Variants in CADM1 observed in about 807,000 individuals in gnomAD.
CADM1 encodes TSLC-1.
Under a neutral mutation model 53.1 loss-of-function variants are expected in CADM1, and 15 were observed. The observed-to-expected ratio is 0.28, with a 90% CI of 0.19 to 0.44. CADM1 has a LOEUF of 0.44. CADM1 is among the 20% of genes least tolerant of loss of function. The pLI, the probability that CADM1 is intolerant of heterozygous loss-of-function variation, is 1.00. For missense variants in CADM1, 434 were observed against 611.3 expected (o/e 0.71, Z 3.06); for synonymous variants, 281 against 243.0 (o/e 1.16, Z -1.45).
chr11:115,310,591 C>A (rs539116275), intron 1 of CADM1, among the ~76,000 whole-genome samples: 1 of 152,044 alleles, frequency 6.6e-6, no homozygotes, highest in Admixed American at 6.6e-5. Flanking sequence ...GGTGAAACCC[C>A]GGGGCTTTTC....
intron 1 of CADM1, among the ~76,000 whole-genome samples, chr11:115,278,025 C>T (rs1226637971): frequency 6.6e-6 from 1 of 152,068 alleles, no homozygotes; most frequent in Non-Finnish European, 1.5e-5. Flanking sequence ...CCCACCCCTC[C>T]CCAATCACAT....
At position 115,231,463 on chromosome 11, in the gene CADM1, A is replaced by G. The variant is rs751099713; in HGVS notation, c.452T>C (p.Ile151Thr). 2 of 1,614,060 alleles carry G rather than the reference A, an allele frequency of 1.2e-6. No homozygotes were observed. The highest frequency in any genetic ancestry group is 1.3e-5 in the African/African-American group (1 of 75,046). The change falls in exon 4 of 12, where the codon ATC becomes ACC. Residue 151 changes from isoleucine to threonine, a missense_variant. This residue lies in a region of CADM1 where 311 missense variants were observed against 435.1 expected (regional missense o/e 0.71). Transcript: ENST00000331581. Reference sequence around the variant, plus strand: ...ACCTTCCACCGCAGTGTCTTTCTGGATATCGATCATCAGATTACGTGGTGG... The same window carrying G: ...ACCTTCCACCGCAGTGTCTTTCTGGGTATCGATCATCAGATTACGTGGTGG... Reference protein sequence around the residue: ...LVPPRNLMIDIQKDTAVEGEE... With the variant: ...LVPPRNLMIDTQKDTAVEGEE...
chr11:115,398,545 A>G (rs964013657), intron 1 of CADM1, among the ~76,000 whole-genome samples: 2 of 152,226 alleles, frequency 1.3e-5, no homozygotes, highest in African/African-American at 2.4e-5. Context: ...TCTGTTTACT[A>G]GGCCAGATAG....
intron 1 of CADM1, among the ~76,000 whole-genome samples, chr11:115,376,074 C>A (rs886670468): frequency 5.3e-5 from 8 of 151,960 alleles, no homozygotes; most frequent in Admixed American, 2.0e-4. Context: ...AAGTGAGAAG[C>A]CATGTTGCTT....
intron 1 of CADM1, among the ~76,000 whole-genome samples, chr11:115,378,184 G>C (rs1033390902): frequency 2.0e-5 from 3 of 152,126 alleles, no homozygotes; most frequent in Non-Finnish European, 4.4e-5. Flanking sequence ...TCAATTTATG[G>C]ACTCTGCTAT....
At chr11:115,342,238 A>G (rs1393986699) in intron 1 of CADM1, among the ~76,000 whole-genome samples, 1 of 152,218 alleles carries the variant, frequency 6.6e-6, no homozygotes, top group Non-Finnish European at 1.5e-5. Context: ...ACTTTTCTTC[A>G]GATAAATCAG....
intron 7 of CADM1, among the ~76,000 whole-genome samples, chr11:115,214,053 T>TA (rs895188244): frequency 8.2e-4 from 106 of 128,878 alleles, no homozygotes; most frequent in African/African-American, 2.5e-3. Context: ...AAAATGATAT[T>TA]AAAAAAACAG....
intron 1 of CADM1, among the ~76,000 whole-genome samples, chr11:115,302,298 T>A (rs967106793): frequency 6.6e-6 from 1 of 152,110 alleles, no homozygotes; most frequent in Non-Finnish European, 1.5e-5. Flanking sequence ...ATTCCTGAAT[T>A]TAAAGTTCAG....
chr11:115,308,887 T>C (rs370112173), intron 1 of CADM1, among the ~76,000 whole-genome samples: 148 of 151,144 alleles, frequency 9.8e-4, no homozygotes, highest in African/African-American at 3.4e-3. Flanking sequence ...AGCACTATGC[T>C]AGATATGAAT....
At chr11:115,426,429 G>C (rs1204535943) in intron 1 of CADM1, among the ~76,000 whole-genome samples, 1 of 152,088 alleles carries the variant, frequency 6.6e-6, no homozygotes, top group Non-Finnish European at 1.5e-5. Context: ...AGGGGAAGTG[G>C]GGTGCACACT....
chr11:115,295,542 A>AT (rs1944049593), intron 1 of CADM1, among the ~76,000 whole-genome samples: 4 of 56,294 alleles, frequency 7.1e-5, no homozygotes, highest in African/African-American at 5.2e-4. Context: ...ATATATATAT[A>AT]TATATATAAT....
At chr11:115,328,701 T>C (rs1176395334) in intron 1 of CADM1, among the ~76,000 whole-genome samples, 2 of 30,754 alleles carry the variant, frequency 6.5e-5, no homozygotes, top group African/African-American at 5.1e-4. Context: ...TGTATATATA[T>C]GTATATATAT....
intron 5 of CADM1, among the ~76,000 whole-genome samples, chr11:115,222,003 C>T (rs1941425110): frequency 6.6e-6 from 1 of 152,164 alleles, no homozygotes; most frequent in Non-Finnish European, 1.5e-5. Context: ...TCTGTTTCTG[C>T]AACTGCATTT....
chr11:115,453,683 G>T (rs957527855), intron 1 of CADM1, among the ~76,000 whole-genome samples: 4 of 152,060 alleles, frequency 2.6e-5, no homozygotes, highest in African/African-American at 7.2e-5. Flanking sequence ...ATTTTTAGTA[G>T]ACACGGGGTT....
chr11:115,371,283 A>G (rs2135124787), intron 1 of CADM1, among the ~76,000 whole-genome samples: 1 of 152,330 alleles, frequency 6.6e-6, no homozygotes, highest in African/African-American at 2.4e-5. Flanking sequence ...TGACAAAAGT[A>G]ACAGAAAGGC....
chr11:115,198,435 G>A lies in CADM1; in HGVS notation c.1082C>T (p.Thr361Ile), dbSNP rs772249746. 3 of 1,595,754 alleles carry A rather than the reference G, an allele frequency of 1.9e-6. No homozygotes were observed. Among genetic ancestry groups the A allele is most frequent in the Non-Finnish European group, 2.5e-6 (3 of 1,178,568 alleles). ...TTTILTIITD[T>I]TATTEPAVHG... ...AACTGCTGGTTCTGTCGTCGCCGTT[G>A]TGTCTACAGACGGGAACAGAGGATT... The change falls in exon 9 of 12, where the codon ACA becomes ATA. Residue 361 changes from threonine (T) to isoleucine (I), a missense_variant. Physicochemically the swap from Thr to Ile is moderately conservative, Grantham distance 89. Coordinates refer to ENST00000331581, the MANE Select transcript of CADM1 (RefSeq NM_001301043.2).
chr11:115,299,443 C>G (rs2135131217), intron 1 of CADM1, among the ~76,000 whole-genome samples: 1 of 152,174 alleles, frequency 6.6e-6, no homozygotes, highest in East Asian at 1.9e-4. Context: ...CTTCAACCAT[C>G]ATTAAAGATT....
chr11:115,269,094 G>A lies in CADM1; in HGVS notation c.125-28674C>T, dbSNP rs141562702. On this transcript the variant is annotated intron_variant, in intron 1 of 11. Transcript: ENST00000331581. ...CTAGACTGGACTCCCAGGAACAATG[G>A]TTTCTATAAATGAGTGTGGCCTGGT... Among the ~76,000 whole-genome samples, 38 of 152,190 alleles carry A rather than the reference G, an allele frequency of 2.5e-4. No homozygotes were observed. In the East Asian group the frequency reaches 6.4e-3, roughly 26 times the overall value.
At chr11:115,392,266 A>C (rs2135186120) in intron 1 of CADM1, among the ~76,000 whole-genome samples, 1 of 152,158 alleles carries the variant, frequency 6.6e-6, no homozygotes, top group African/African-American at 2.4e-5. Flanking sequence ...ATATTTGTCT[A>C]TTTACTCCAG....
Sources: gnomAD v4.1 joint callset for allele counts (sites outside exome capture counted in the v4.1 genomes callset) on GRCh38, gnomAD v4.1.1 for gene constraint, gnomAD v4.1.1 regional missense constraint, MANE v1.5 for transcripts, NCBI Gene and HGNC (gene_info 2026-07-23, HGNC 2026-07-21) for gene names.